The following THSD7A variants were observed in gnomAD, a reference collection of about 807,000 sequenced individuals.
THSD7A encodes thrombospondin type 1 domain containing 7A, also known as thrombospondin type-1 domain-containing protein 7A.
THSD7A carries 96 observed loss-of-function variants against 231.3 expected under a neutral mutation model. The ratio of observed to expected loss-of-function variants is 0.41; its 90% confidence interval spans 0.35 to 0.49. The LOEUF (loss-of-function observed/expected upper bound fraction) is 0.49. THSD7A is among the 20% of genes least tolerant of loss of function. The pLI is 0.05. For synonymous variants in THSD7A, 940 were observed against 743.3 expected, an observed-to-expected ratio of 1.26 and a Z score of -4.30; for missense variants, 2,290 against 2,070.2, an observed-to-expected ratio of 1.11 and a Z score of -2.06.
intron 1 of THSD7A, among the ~76,000 whole-genome samples, chr7:11,766,140 T>C (rs991761646): frequency 6.6e-6 from 1 of 152,150 alleles, no homozygotes; most frequent in South Asian, 2.1e-4. Flanking sequence ...CCTTCTCTCA[T>C]TATTATTGCC....
intron 1 of THSD7A, among the ~76,000 whole-genome samples, chr7:11,780,038 G>C (rs1016473488): frequency 6.6e-6 from 1 of 152,196 alleles, no homozygotes. Context: ...GTCTGGGTCT[G>C]GGGAAGTTCA....
intron 22 of THSD7A, 142 bp from the exon 23 acceptor site, chr7:11,402,110 A>ATAT: frequency 1.5e-6 from 1 of 660,906 alleles, no homozygotes; most frequent in Non-Finnish European, 2.5e-6. Flanking sequence ...TAAGCATTTA[A>ATAT]TATTTGTAAA....
At chr7:11,727,016 A>G (rs536107912) in intron 1 of THSD7A, among the ~76,000 whole-genome samples, 84 of 152,100 alleles carry the variant, frequency 5.5e-4, no homozygotes, top group South Asian at 3.1e-3. Context: ...ACAGGCAGCA[A>G]GAGTTCCCAG....
intron 1 of THSD7A, among the ~76,000 whole-genome samples, chr7:11,648,027 T>G (rs1318033510): frequency 6.6e-6 from 1 of 152,106 alleles, no homozygotes; most frequent in African/African-American, 2.4e-5. Context: ...AGATCTGCCC[T>G]TTGGATCCAC....
At chr7:11,652,365 C>T (rs1297021691) in intron 1 of THSD7A, among the ~76,000 whole-genome samples, 1 of 151,926 alleles carries the variant, frequency 6.6e-6, no homozygotes, top group Admixed American at 6.6e-5. Flanking sequence ...CTGTGATACA[C>T]TTAGAACACT....
intron 18 of THSD7A, among the ~76,000 whole-genome samples, chr7:11,412,247 G>T (rs148538930): frequency 1.7e-4 from 26 of 152,224 alleles, no homozygotes; most frequent in African/African-American, 6.0e-4. Flanking sequence ...GACTAATCAT[G>T]TTTATAAACT....
intron 6 of THSD7A, among the ~76,000 whole-genome samples, chr7:11,500,938 A>G (rs1787307956): frequency 7.4e-6 from 1 of 134,688 alleles, no homozygotes; most frequent in Non-Finnish European, 1.6e-5. Flanking sequence ...TGTCTCAAAA[A>G]AAGAAAGAAA....
intron 4 of THSD7A, among the ~76,000 whole-genome samples, chr7:11,571,790 G>T (rs1172631357): frequency 6.6e-6 from 1 of 151,496 alleles, no homozygotes; most frequent in Non-Finnish European, 1.5e-5. Flanking sequence ...TTATTCACAT[G>T]TATGTATTGT....
intron 1 of THSD7A, among the ~76,000 whole-genome samples, chr7:11,803,915 A>G (rs951267617): frequency 2.5e-4 from 38 of 152,170 alleles, no homozygotes; most frequent in African/African-American, 9.2e-4. Flanking sequence ...CACAGTATAC[A>G]TTACAATATA....
At chr7:11,736,483 G>GTA (rs1554271149) in intron 1 of THSD7A, among the ~76,000 whole-genome samples, 6,624 of 151,036 alleles carry the variant, frequency 0.044, 302 homozygotes, top group African/African-American at 0.12. Flanking sequence ...GTGTGTGTGT[G>GTA]TAAAATAAAT....
At chr7:11,663,344 G>A (rs75089607) in intron 1 of THSD7A, among the ~76,000 whole-genome samples, 6,788 of 151,394 alleles carry the variant, frequency 0.045, 183 homozygotes, top group East Asian at 0.13. Context: ...ATGTTCCTCC[G>A]TCTATTCAAT....
At chr7:11,820,752 C>T (rs1305730759) in intron 1 of THSD7A, 2 of 1,213,950 alleles carry the variant, frequency 1.6e-6, no homozygotes, top group East Asian at 2.3e-5. Flanking sequence ...TACTCTTCTG[C>T]TTTGTAGGAG....
intron 2 of THSD7A, among the ~76,000 whole-genome samples, chr7:11,603,592 G>A (rs1264577636): frequency 4.0e-5 from 6 of 151,584 alleles, no homozygotes; most frequent in Admixed American, 6.6e-5. Context: ...TGTTTATTGC[G>A]GCATTATTCA....
intron 16 of THSD7A, among the ~76,000 whole-genome samples, chr7:11,423,332 G>T (rs1339508435): frequency 1.3e-5 from 2 of 150,602 alleles, no homozygotes; most frequent in Non-Finnish European, 2.9e-5. Context: ...TTATGGGTAA[G>T]AATGAACTTC....
chr7:11,511,787 G>C (rs1787819904), intron 6 of THSD7A, among the ~76,000 whole-genome samples: 1 of 152,172 alleles, frequency 6.6e-6, no homozygotes, highest in African/African-American at 2.4e-5. Context: ...ATTAATTCAA[G>C]ATGGATTAAA....
At chr7:11,822,050 C>T (rs376293245) in intron 1 of THSD7A, among the ~76,000 whole-genome samples, 262 of 152,228 alleles carry the variant, frequency 1.7e-3, no homozygotes, top group African/African-American at 6.2e-3. Context: ...TCCCAATATG[C>T]TATTATTTGT....
chr7:11,798,601 A>G (rs139079168), intron 1 of THSD7A, among the ~76,000 whole-genome samples: 317 of 152,264 alleles, frequency 2.1e-3, no homozygotes, highest in African/African-American at 6.9e-3. Context: ...TATTTAGGTG[A>G]TTTGAACAAT....
intron 4 of THSD7A, among the ~76,000 whole-genome samples, chr7:11,571,656 G>C (rs757662969): frequency 3.0e-4 from 46 of 152,280 alleles, no homozygotes; most frequent in Non-Finnish European, 5.3e-4. Context: ...GAAGATGTCC[G>C]TTTGTCATGC....
In THSD7A at chr7:11,820,982, A is replaced by C. The variant is rs771717554; in HGVS notation, c.190+10775T>G. On this transcript the variant is annotated intron_variant, in intron 1 of 27. Transcript: ENST00000423059. The stretch of plus-strand genomic sequence containing the variant: ...GTTCAATATCAAGGCGGAGATCAAC[A>C]GGATCATCTCTGTATTTTCCCTCAG... 1.2e-5 allele frequency: 12 copies of C among 1,034,842 alleles called. No homozygotes were observed. The Admixed American group carries it at 2.5e-4, about 22-fold the overall frequency. The allele number at this position is 1,034,842 out of a possible 1,614,324, so 64.1% of individuals were successfully genotyped here.
Sources: allele counts gnomAD v4.1 joint callset (sites outside exome capture counted in the v4.1 genomes callset), GRCh38; gene constraint gnomAD v4.1.1; transcripts MANE v1.5; gene names NCBI Gene and HGNC (gene_info 2026-07-23, HGNC 2026-07-21).